The following EYA2 variants were observed in gnomAD, a reference collection of about 807,000 sequenced individuals.
EYA2 encodes EYA transcriptional coactivator and phosphatase 2.
A neutral mutation model predicts 69.2 loss-of-function variants in EYA2; 31 were observed. That is an observed-to-expected ratio of 0.45 (90% CI 0.34 to 0.60). EYA2 has a LOEUF of 0.60. EYA2 is among the 20% of genes least tolerant of loss of function. EYA2 has a pLI of 0.02. For missense variants in EYA2, 622 were observed against 701.2 expected (o/e 0.89, Z 1.28); for synonymous variants, 257 against 279.4 (o/e 0.92, Z 0.80).
At chr20:46,969,986 C>T (rs893143054) in intron 1 of EYA2, among the ~76,000 whole-genome samples, 10 of 152,216 alleles carry the variant, frequency 6.6e-5, no homozygotes, top group South Asian at 2.1e-4. Flanking sequence ...ATAAAACTTA[C>T]GATGTTCCCA....
intron 1 of EYA2, among the ~76,000 whole-genome samples, chr20:46,896,238 A>G (rs2146204845): frequency 6.6e-6 from 1 of 152,304 alleles, no homozygotes; most frequent in East Asian, 1.9e-4. Flanking sequence ...AAAGGAAATT[A>G]TAACCAGTGG....
intron 9 of EYA2, among the ~76,000 whole-genome samples, chr20:47,107,309 G>A (rs2032610109): frequency 6.6e-6 from 1 of 152,002 alleles, no homozygotes; most frequent in African/African-American, 2.4e-5. Flanking sequence ...TGGATGACTT[G>A]AGGCCAGGAG....
At chr20:47,130,337 T>C (rs936146376) in intron 9 of EYA2, among the ~76,000 whole-genome samples, 16 of 128,688 alleles carry the variant, frequency 1.2e-4, no homozygotes, top group African/African-American at 4.9e-4. Flanking sequence ...CAATCTCGGC[T>C]CACTGCAAGC....
At chr20:47,115,993 A>T (rs1275823777) in intron 9 of EYA2, among the ~76,000 whole-genome samples, 3 of 152,018 alleles carry the variant, frequency 2.0e-5, no homozygotes, top group African/African-American at 7.2e-5. Context: ...ACCCTCCCTT[A>T]GTCTAACCAG....
chr20:47,089,161 G>A lies in EYA2; in HGVS notation c.662-78G>A, dbSNP rs75831221. The A allele has an allele frequency of 5.3e-4, 824 of 1,541,268 alleles. 3 individuals carry two copies. The African/African-American group carries it at 9.0e-3, about 17-fold the overall frequency. On this transcript the variant is annotated intron_variant, in intron 7 of 15. Transcript: ENST00000327619. ...GGAACCCACTGCTTTGGAGCTAGAC[G>A]GTGCTGTTGGGATATTTCCCAGGAG...
chr20:46,913,363 T>C (rs966814102), intron 1 of EYA2, among the ~76,000 whole-genome samples: 4 of 151,876 alleles, frequency 2.6e-5, no homozygotes, highest in African/African-American at 2.4e-5. Flanking sequence ...GGGCAGGAGA[T>C]GTAGTTAGGG....
At chr20:47,124,540 T>C (rs2033130065) in intron 9 of EYA2, among the ~76,000 whole-genome samples, 1 of 152,200 alleles carries the variant, frequency 6.6e-6, no homozygotes, top group East Asian at 1.9e-4. Flanking sequence ...GGGCACTTGC[T>C]GGGCATCAAA....
intron 5 of EYA2, among the ~76,000 whole-genome samples, chr20:47,066,346 A>G (rs2031108473): frequency 6.6e-6 from 1 of 152,134 alleles, no homozygotes; most frequent in South Asian, 2.1e-4. Context: ...AAAAAAAATT[A>G]TTTTACTGAG....
intron 10 of EYA2, among the ~76,000 whole-genome samples, chr20:47,167,293 T>C (rs1202707595): frequency 5.5e-5 from 8 of 146,140 alleles, no homozygotes; most frequent in Non-Finnish European, 9.0e-5. Flanking sequence ...TTTTTTTTTT[T>C]TTTTTTGAGA....
chr20:47,169,914 C>CT (rs1011638204), intron 11 of EYA2, among the ~76,000 whole-genome samples: 5 of 151,146 alleles, frequency 3.3e-5, no homozygotes, highest in African/African-American at 1.2e-4. Flanking sequence ...TTTTCTTTTT[C>CT]TTTTTTTTGA....
intron 5 of EYA2, among the ~76,000 whole-genome samples, chr20:47,062,519 C>T (rs982223466): frequency 2.0e-5 from 3 of 152,146 alleles, no homozygotes; most frequent in Admixed American, 6.5e-5. Flanking sequence ...AAAACATGTT[C>T]GCTTCCCAAG....
At chr20:47,065,528 G>A (rs2146461246) in intron 5 of EYA2, among the ~76,000 whole-genome samples, 1 of 152,144 alleles carries the variant, frequency 6.6e-6, no homozygotes, top group South Asian at 2.1e-4. Context: ...AAGAACCCTG[G>A]CGAAGGGTGG....
intron 9 of EYA2, among the ~76,000 whole-genome samples, chr20:47,123,500 C>T (rs2033104161): frequency 6.6e-6 from 1 of 152,054 alleles, no homozygotes; most frequent in South Asian, 2.1e-4. Context: ...CTGGAGTTCC[C>T]AAGGAGGCAA....
intron 5 of EYA2, among the ~76,000 whole-genome samples, chr20:47,024,702 C>G (rs1407628651): frequency 2.6e-5 from 4 of 152,228 alleles, no homozygotes; most frequent in African/African-American, 4.8e-5. Flanking sequence ...CTTGGAAACT[C>G]TATCCTGGGG....
At chr20:46,999,556 G>T (rs939923577) in intron 2 of EYA2, among the ~76,000 whole-genome samples, 1 of 152,206 alleles carries the variant, frequency 6.6e-6, no homozygotes, top group Non-Finnish European at 1.5e-5. Flanking sequence ...CAACAAAAGG[G>T]TTACACAATT....
At chr20:46,978,786 A>G (rs1980624150) in intron 1 of EYA2, 1 of 487,748 alleles carries the variant, frequency 2.1e-6, no homozygotes, top group South Asian at 1.5e-5. Flanking sequence ...GGCGATGGCC[A>G]TGGAGGTGAA....
At chr20:46,942,761 TTTTGTTTGTTTA>T (rs1986208676) in intron 1 of EYA2, among the ~76,000 whole-genome samples, 2 of 152,114 alleles carry the variant, frequency 1.3e-5, no homozygotes, top group Non-Finnish European at 2.9e-5. Context: ...CTGTTTTGTT[TTTTGTTTGTTTA>T]TTTGTTTGTT....
intron 4 of EYA2, among the ~76,000 whole-genome samples, chr20:47,009,619 G>T (rs1982937304): frequency 6.6e-6 from 1 of 152,054 alleles, no homozygotes; most frequent in Non-Finnish European, 1.5e-5. Context: ...ATTTTTTTAT[G>T]TAGAAGAGAT....
chr20:46,987,952 CTCTCTCTCTCTCTATA>C (rs1447352168), intron 1 of EYA2, among the ~76,000 whole-genome samples: 4 of 41,146 alleles, frequency 9.7e-5, no homozygotes, highest in East Asian at 1.2e-3. Context: ...CTCTCTCTCT[CTCTCTCTCTCTCTATA>C]TATATATATA....
Sources: allele counts gnomAD v4.1 joint callset (sites outside exome capture counted in the v4.1 genomes callset), GRCh38; gene constraint gnomAD v4.1.1; transcripts MANE v1.5; gene names NCBI Gene and HGNC (gene_info 2026-07-23, HGNC 2026-07-21).